Variants in MED13L observed in about 807,000 individuals in gnomAD.
MED13L encodes mediator complex subunit 13L.
MED13L carries 7 observed loss-of-function variants against 220.9 expected under a neutral mutation model. That is an observed-to-expected ratio of 0.03 (90% CI 0.02 to 0.06). MED13L has a LOEUF of 0.06. Among genes scored for constraint, MED13L ranks in the 10% least tolerant of loss-of-function variants. The pLI is 1.00. For synonymous variants in MED13L, 1,011 were observed against 1,015.2 expected (o/e 1.00, Z 0.08); for missense variants, 1,965 against 2,760.5 (o/e 0.71, Z 6.46).
chr12:116,074,026 T>A (rs1328937637), intron 4 of MED13L, among the ~76,000 whole-genome samples: 1 of 152,236 alleles, frequency 6.6e-6, no homozygotes, highest in Non-Finnish European at 1.5e-5. Context: ...CACGATTTAT[T>A]ATTAATATGT....
chr12:116,225,005 A>G (rs1868818679), intron 2 of MED13L, among the ~76,000 whole-genome samples: 1 of 152,162 alleles, frequency 6.6e-6, no homozygotes, highest in Admixed American at 6.6e-5. Context: ...CACACCTTAC[A>G]TGTATAAAGC....
intron 4 of MED13L, among the ~76,000 whole-genome samples, chr12:116,023,359 A>G (rs1312812491): frequency 4.6e-5 from 7 of 152,198 alleles, no homozygotes; most frequent in African/African-American, 1.7e-4. Flanking sequence ...TCAAAATTGT[A>G]ACTTTGGCCC....
chr12:116,194,288 C>G (rs1881478664), intron 2 of MED13L, among the ~76,000 whole-genome samples: 1 of 152,080 alleles, frequency 6.6e-6, no homozygotes, highest in Admixed American at 6.5e-5. Flanking sequence ...GCCTCAGCCT[C>G]CTGAGTAGCT....
intron 1 of MED13L, among the ~76,000 whole-genome samples, chr12:116,271,625 CAA>C (rs768668777): frequency 1.9e-4 from 13 of 69,066 alleles, no homozygotes; most frequent in Non-Finnish European, 8.7e-5. Flanking sequence ...GACTCCGTCT[CAA>C]AAAAAAAAAA....
chr12:116,042,789 T>C (rs947049545), intron 4 of MED13L, among the ~76,000 whole-genome samples: 3 of 152,190 alleles, frequency 2.0e-5, no homozygotes, highest in Admixed American at 1.3e-4. Context: ...GCATCCTGTC[T>C]GACTGAAGTA....
chr12:116,166,787 T>C (rs1490304314), intron 2 of MED13L, among the ~76,000 whole-genome samples: 1 of 152,190 alleles, frequency 6.6e-6, no homozygotes, highest in Non-Finnish European at 1.5e-5. Context: ...TCCACAGTGC[T>C]TACTATAGTG....
intron 15 of MED13L, 127 bp from the exon 16 acceptor site, chr12:115,996,808 T>A: frequency 9.3e-7 from 1 of 1,070,484 alleles, no homozygotes; most frequent in African/African-American, 1.6e-5. Context: ...CCTATGATCA[T>A]TAGAAAATGC....
intron 2 of MED13L, among the ~76,000 whole-genome samples, chr12:116,144,360 C>G (rs1268454150): frequency 1.3e-5 from 2 of 152,154 alleles, no homozygotes. Context: ...CAGCTCCCAA[C>G]AGTTCGACCC....
chr12:116,190,458 G>T (rs1033325863), intron 2 of MED13L, among the ~76,000 whole-genome samples: 1 of 152,184 alleles, frequency 6.6e-6, no homozygotes, highest in Non-Finnish European at 1.5e-5. Flanking sequence ...TGTGAATACA[G>T]AAAAATTGCT....
chr12:115,972,340 G>A (rs1177275255), intron 25 of MED13L, 104 bp from the exon 26 acceptor site: 2 of 1,370,794 alleles, frequency 1.5e-6, no homozygotes, highest in Non-Finnish European at 2.0e-6. Context: ...TCCAAGGTTG[G>A]GCCCTAAAGG....
Position 116,066,316 on chromosome 12 carries a change from A to G in MED13L, c.479+30353T>C, listed in dbSNP as rs576850164. ...GAGTGATACTTCTTTAATGTGGCCT[A>G]TGAGAGAAGAAAACGACTTACTTTC... On this transcript the variant is annotated intron_variant, in intron 4 of 30. Transcript: ENST00000281928. 3.3e-5 allele frequency among the ~76,000 whole-genome samples: 5 copies of G among 152,322 alleles called. No homozygotes were observed. In the South Asian group the frequency reaches 1.0e-3, roughly 32 times the overall value.
Position 116,275,687 on chromosome 12 carries a change from G to A in MED13L, c.72+1373C>T, listed in dbSNP as rs1421320444. 1.3e-5 allele frequency among the ~76,000 whole-genome samples: 2 copies of A among 152,120 alleles called. 1 individual carries two copies. The highest frequency in any genetic ancestry group is 2.9e-5 in the Non-Finnish European group (2 of 68,040). On this transcript the variant is annotated intron_variant, in intron 1 of 30. Transcript: ENST00000281928. ...GGGAAATAATGCTTCTATCTACAGC[G>A]GGGGTTACAGAAAATAATTTCCAAA...
chr12:116,047,925 G>A (rs557263667), intron 4 of MED13L, among the ~76,000 whole-genome samples: 2 of 152,262 alleles, frequency 1.3e-5, no homozygotes, highest in East Asian at 3.9e-4. Flanking sequence ...AGTAAGGGAA[G>A]CTTGACCATA....
At chr12:116,180,919 ATT>A (rs1880472025) in intron 2 of MED13L, among the ~76,000 whole-genome samples, 3 of 143,842 alleles carry the variant, frequency 2.1e-5, no homozygotes, top group Non-Finnish European at 3.0e-5. Flanking sequence ...AAAATGAGTT[ATT>A]TCTCTCTCTC....
At chr12:116,033,013 A>T (rs1880949457) in intron 4 of MED13L, among the ~76,000 whole-genome samples, 1 of 151,960 alleles carries the variant, frequency 6.6e-6, no homozygotes, top group Non-Finnish European at 1.5e-5. Context: ...GAGAGGGAGA[A>T]GATGATGGGG....
chr12:115,995,625 T>C (rs1216489074), intron 16 of MED13L, among the ~76,000 whole-genome samples: 1 of 152,148 alleles, frequency 6.6e-6, no homozygotes, highest in African/African-American at 2.4e-5. Context: ...GGTTTCGCCA[T>C]TTGCCCAGGC....
chr12:116,148,133 A>G (rs1877713374), intron 2 of MED13L, among the ~76,000 whole-genome samples: 1 of 150,914 alleles, frequency 6.6e-6, no homozygotes, highest in African/African-American at 2.4e-5. Flanking sequence ...ATTTGGTATT[A>G]AAGTCATTCA....
At chr12:116,145,537 T>C (rs1877415119) in intron 2 of MED13L, among the ~76,000 whole-genome samples, 1 of 152,068 alleles carries the variant, frequency 6.6e-6, no homozygotes, top group Admixed American at 6.6e-5. Context: ...ACTCTGTCAT[T>C]CAGGCTGGAG....
At chr12:116,046,994 A>C (rs1345554514) in intron 4 of MED13L, among the ~76,000 whole-genome samples, 1 of 152,126 alleles carries the variant, frequency 6.6e-6, no homozygotes, top group African/African-American at 2.4e-5. Flanking sequence ...AGAAAGAAAG[A>C]AAATGTCTTC....
Sources: allele counts gnomAD v4.1 joint callset (sites outside exome capture counted in the v4.1 genomes callset), GRCh38; gene constraint gnomAD v4.1.1; transcripts MANE v1.5; gene names NCBI Gene and HGNC (gene_info 2026-07-23, HGNC 2026-07-21).